Variants in LRBA observed in about 807,000 individuals in gnomAD.
LRBA encodes lipopolysaccharide-responsive and beige-like anchor protein.
LRBA carries 176 observed loss-of-function variants against 330.0 expected under a neutral mutation model. That is an observed-to-expected ratio of 0.53 (90% CI 0.47 to 0.60). The LOEUF is 0.60. Ranked by LOEUF, LRBA falls within the 20% of genes least tolerant of loss-of-function variation. LRBA has a pLI of 0.00. For missense variants in LRBA, 3,259 were observed against 3,444.8 expected (o/e 0.95, Z 1.35); for synonymous variants, 1,230 against 1,193.0 (o/e 1.03, Z -0.64).
At chr4:150,301,883 C>T (rs1010361483) in intron 53 of LRBA, among the ~76,000 whole-genome samples, 3 of 152,186 alleles carry the variant, frequency 2.0e-5, no homozygotes, top group Non-Finnish European at 4.4e-5. Flanking sequence ...AGGAATTCTA[C>T]AGTGTTGTCA....
At chr4:150,874,156 C>T (rs1753751261) in intron 17 of LRBA, among the ~76,000 whole-genome samples, 1 of 152,066 alleles carries the variant, frequency 6.6e-6, no homozygotes, top group Non-Finnish European at 1.5e-5. Flanking sequence ...CATTTCTCAG[C>T]CACTTAGAAA....
chr4:150,468,223 CAACT>C (rs1561219810), intron 43 of LRBA, among the ~76,000 whole-genome samples: 1 of 151,992 alleles, frequency 6.6e-6, no homozygotes. Context: ...AATAATCAAC[CAACT>C]AAGCAATCAA....
chr4:150,699,731 TCTTA>T (rs1784945683), intron 36 of LRBA, among the ~76,000 whole-genome samples: 1 of 152,208 alleles, frequency 6.6e-6, no homozygotes, highest in Admixed American at 6.5e-5. Context: ...AGCAGTGGTG[TCTTA>T]CTTCACATGG....
chr4:150,651,403 G>C (rs1174471447), intron 37 of LRBA, among the ~76,000 whole-genome samples: 1 of 152,068 alleles, frequency 6.6e-6, no homozygotes, highest in East Asian at 1.9e-4. Context: ...AAGTACTTAA[G>C]TATTAATTGA....
intron 44 of LRBA, among the ~76,000 whole-genome samples, chr4:150,453,389 A>G (rs191743090): frequency 3.3e-5 from 5 of 152,320 alleles, no homozygotes; most frequent in African/African-American, 1.2e-4. Context: ...TTGATTTCCA[A>G]CAAAGATTCC....
chr4:150,842,777 A>G (rs947642847), intron 28 of LRBA, among the ~76,000 whole-genome samples: 4 of 152,204 alleles, frequency 2.6e-5, no homozygotes, highest in Admixed American at 2.0e-4. Context: ...CATTACTTAA[A>G]TATTGCTAAC....
chr4:150,464,969 AATC>A (rs1250350782), intron 44 of LRBA, among the ~76,000 whole-genome samples: 2 of 152,122 alleles, frequency 1.3e-5, no homozygotes, highest in Non-Finnish European at 2.9e-5. Context: ...ATTGTTGAAC[AATC>A]ATCACCACTA....
At chr4:150,955,765 G>C (rs565532180) in intron 2 of LRBA, among the ~76,000 whole-genome samples, 3 of 148,180 alleles carry the variant, frequency 2.0e-5, no homozygotes, top group Non-Finnish European at 4.4e-5. Context: ...GGTGGTGGGC[G>C]CCTGTAATCC....
intron 37 of LRBA, among the ~76,000 whole-genome samples, chr4:150,614,900 T>C (rs1478902375): frequency 6.6e-6 from 1 of 152,230 alleles, no homozygotes; most frequent in Non-Finnish European, 1.5e-5. Context: ...GGTTATCAGC[T>C]GGCCATATCT....
intron 25 of LRBA, 77 bp from the exon 26 acceptor site, chr4:150,849,075 A>C (rs1750259698): frequency 1.1e-6 from 1 of 927,988 alleles, no homozygotes; most frequent in African/African-American, 1.7e-5. Flanking sequence ...CCTAAAATTT[A>C]TAAATTGCAT....
intron 40 of LRBA, among the ~76,000 whole-genome samples, chr4:150,571,782 C>A (rs1197137839): frequency 2.0e-5 from 3 of 147,740 alleles, no homozygotes; most frequent in African/African-American, 7.4e-5. Context: ...TACAATATCA[C>A]AATGTTAAAC....
intron 37 of LRBA, among the ~76,000 whole-genome samples, chr4:150,617,131 T>C (rs1433318697): frequency 6.6e-6 from 1 of 152,088 alleles, no homozygotes; most frequent in Non-Finnish European, 1.5e-5. Flanking sequence ...TAAGAAAAAA[T>C]GGTTCCTGAA....
At chr4:150,732,752 T>C (rs1730630457) in intron 36 of LRBA, among the ~76,000 whole-genome samples, 1 of 152,050 alleles carries the variant, frequency 6.6e-6, no homozygotes, top group South Asian at 2.1e-4. Flanking sequence ...AATAGATGTC[T>C]ACTTTTTTAT....
chr4:150,654,780 G>A (rs1780023123), intron 37 of LRBA, among the ~76,000 whole-genome samples: 1 of 152,102 alleles, frequency 6.6e-6, no homozygotes, highest in Non-Finnish European at 1.5e-5. Context: ...ACCTATGAGT[G>A]AGAACATGCG....
At chr4:150,475,710 C>A (rs1194831858) in intron 42 of LRBA, among the ~76,000 whole-genome samples, 1 of 147,926 alleles carries the variant, frequency 6.8e-6, no homozygotes, top group Admixed American at 6.8e-5. Context: ...GCCTGAGCAA[C>A]ATAGGAAGAC....
intron 44 of LRBA, among the ~76,000 whole-genome samples, chr4:150,457,990 A>T (rs780323198): frequency 1.3e-5 from 2 of 151,952 alleles, no homozygotes; most frequent in Non-Finnish European, 2.9e-5. Context: ...TGTCAGGATT[A>T]TTCATCACCC....
At chr4:150,533,258 A>G (rs1764243972) in intron 40 of LRBA, among the ~76,000 whole-genome samples, 1 of 152,048 alleles carries the variant, frequency 6.6e-6, no homozygotes, top group South Asian at 2.1e-4. Flanking sequence ...ACTGCTCATC[A>G]CAGCCTCAAC....
chr4:150,631,788 GCAAA>G (rs1777402012), intron 37 of LRBA, among the ~76,000 whole-genome samples: 1 of 152,158 alleles, frequency 6.6e-6, no homozygotes, highest in African/African-American at 2.4e-5. Context: ...GGAGAGACTT[GCAAA>G]CAGAGATGAA....
At chr4:150,806,548 T>C in intron 32 of LRBA, 144 bp from the exon 33 acceptor site, 1 of 375,556 alleles carries the variant, frequency 2.7e-6, no homozygotes, top group South Asian at 1.1e-4. Context: ...CTGCTATGCA[T>C]AGCAGTCCTT....
Sources: gnomAD v4.1 joint callset for allele counts (sites outside exome capture counted in the v4.1 genomes callset) on GRCh38, gnomAD v4.1.1 for gene constraint, MANE v1.5 for transcripts, NCBI Gene and HGNC (gene_info 2026-07-23, HGNC 2026-07-21) for gene names.